IFRD1: variants seen among roughly 807,000 people sequenced by gnomAD.
IFRD1 encodes the protein interferon related developmental regulator 1, also known as interferon-related developmental regulator 1.
IFRD1 carries 35 observed loss-of-function variants against 52.9 expected under a neutral mutation model. That is an observed-to-expected ratio of 0.66 (90% CI 0.51 to 0.88). The LOEUF (loss-of-function observed/expected upper bound fraction) is 0.88. IFRD1 is among the 40% of genes least tolerant of loss of function. IFRD1 has a pLI of 0.00. For synonymous variants in IFRD1, 184 were observed against 188.4 expected, an observed-to-expected ratio of 0.98 and a Z score of 0.19; for missense variants, 517 against 550.8, an observed-to-expected ratio of 0.94 and a Z score of 0.61.
At chr7:112,442,384 C>A (rs528457182) in intron 1 of IFRD1, among the ~76,000 whole-genome samples, 1 of 152,158 alleles carries the variant, frequency 6.6e-6, no homozygotes, top group Non-Finnish European at 1.5e-5. Flanking sequence ...TTATAGAGTA[C>A]GTGGCAGGTT....
chr7:112,437,362 G>C (rs977165009), intron 1 of IFRD1: 1 of 154,366 alleles, frequency 6.5e-6, no homozygotes, highest in East Asian at 1.9e-4. Context: ...ATATAAACAA[G>C]TTAGTGCAGT....
At chr7:112,462,474 A>G (rs1795466420) in intron 8 of IFRD1, 96 bp downstream of exon 8, 1 of 838,058 alleles carries the variant, frequency 1.2e-6, no homozygotes, top group Non-Finnish European at 2.0e-6. Flanking sequence ...ACTTTGGAAC[A>G]TGGCCAGCTT....
intron 1 of IFRD1, among the ~76,000 whole-genome samples, chr7:112,431,704 C>T (rs1300041836): frequency 6.6e-6 from 1 of 152,212 alleles, no homozygotes; most frequent in African/African-American, 2.4e-5. Context: ...GTTACTCTCT[C>T]TGCCTAAATG....
intron 8 of IFRD1, among the ~76,000 whole-genome samples, chr7:112,464,807 C>T (rs759017336): frequency 2.1e-4 from 32 of 152,156 alleles, no homozygotes; most frequent in Non-Finnish European, 4.1e-4. Context: ...CCATTCCATT[C>T]CCCAGCTGAG....
At position 112,462,024 on chromosome 7, in the gene IFRD1, T is replaced by G; in HGVS notation, c.642T>G (p.Cys214Trp). Residue 214 changes from cysteine to tryptophan, a missense_variant, in exon 7 of 12, where the codon TGT becomes TGG. Physicochemically the swap from Cys to Trp is radical, Grantham distance 215 (BLOSUM62 -2). Coordinates refer to ENST00000403825, the MANE Select transcript of IFRD1 (RefSeq NM_001550.4). ...DITELYSTLECLENIFTKSYL... is the reference protein window; with the variant it reads ...DITELYSTLEWLENIFTKSYL... ...AGGAACTATACTCAACTCTGGAATG[T>G]TTGGAAAATATCTTCACTAAATCCT... 1 of 1,613,132 alleles carries G rather than the reference T, an allele frequency of 6.2e-7. No homozygotes were observed. Among genetic ancestry groups the G allele is most frequent in the Non-Finnish European group, 8.5e-7 (1 of 1,179,308 alleles).
intron 1 of IFRD1, among the ~76,000 whole-genome samples, chr7:112,430,712 C>T (rs1017964904): frequency 2.6e-5 from 4 of 152,194 alleles, no homozygotes; most frequent in African/African-American, 7.2e-5. Context: ...CTCCTAACTA[C>T]TTTTCATCCC....
chr7:112,450,999 G>C, intron 1 of IFRD1: 1 of 584,400 alleles, frequency 1.7e-6, no homozygotes, highest in South Asian at 1.9e-5. Flanking sequence ...TTGGGCACCG[G>C]CCGTGGGGGC....
At chr7:112,470,478 A>T (rs185781846) in intron 9 of IFRD1, among the ~76,000 whole-genome samples, 10 of 152,330 alleles carry the variant, frequency 6.6e-5, no homozygotes, top group Non-Finnish European at 1.5e-5. Flanking sequence ...TGACTATTTT[A>T]AAAACCTTGG....
rs185786062 is a variant in IFRD1 at position 112,439,144 on chromosome 7, T to G, written c.-181-11364T>G. ...ATAGTGGGCATAGAAGGAAGGAAAT[T>G]CTCCAAATACAGTTTTAACAGGGTG... On this transcript the variant is annotated intron_variant, in intron 1 of 12. Coordinates refer to the IFRD1 transcript ENST00000005558. Among the ~76,000 whole-genome samples, 189 of 152,240 alleles carry G rather than the reference T, an allele frequency of 1.2e-3. 1 individual carries two copies. The highest frequency in any genetic ancestry group is 2.0e-3 in the Non-Finnish European group (139 of 68,020).
chr7:112,471,594 A>C (rs1584503150), intron 9 of IFRD1, among the ~76,000 whole-genome samples: 1 of 151,830 alleles, frequency 6.6e-6, no homozygotes, highest in South Asian at 2.1e-4. Flanking sequence ...TTTTTAATCC[A>C]TCTGACTTCT....
intron 1 of IFRD1, among the ~76,000 whole-genome samples, chr7:112,428,550 G>A (rs1247571335): frequency 6.6e-6 from 1 of 152,190 alleles, no homozygotes; most frequent in Non-Finnish European, 1.5e-5. Context: ...GAAATAGGAT[G>A]AAGGATAAAA....
At chr7:112,452,300 A>G (rs1795185652) in intron 1 of IFRD1, 1 of 289,470 alleles carries the variant, frequency 3.5e-6, no homozygotes, top group Non-Finnish European at 5.2e-6. Context: ...AGCTAGGACT[A>G]CAGGCATGTG....
At chr7:112,444,558 T>G (rs1279451262) in intron 1 of IFRD1, among the ~76,000 whole-genome samples, 1 of 152,228 alleles carries the variant, frequency 6.6e-6, no homozygotes, top group African/African-American at 2.4e-5. Context: ...ATAACATTAC[T>G]ATTTAATAAT....
rs2708609 is a variant in IFRD1 at position 112,461,854 on chromosome 7, T to A, written c.568-12T>A. ...ATCATTAATGTCTATATATATATAT[T>A]TTTTTTTTTAGTGTGCAACTTGCTT... On this transcript the variant is annotated splice_polypyrimidine_tract_variant and intron_variant, in intron 5 of 11. Coordinates refer to ENST00000403825, the MANE Select transcript of IFRD1 (RefSeq NM_001550.4). 796,221 of 1,190,456 alleles carry A rather than the reference T, an allele frequency of 0.67. 246,996 individuals are homozygous for A. The highest frequency in any genetic ancestry group is 0.74 in the African/African-American group (45,744 of 61,992). 73.7% of individuals were successfully genotyped at this position (1,190,456 alleles called of 1,614,324 possible).
chr7:112,475,554 A>AT lies in IFRD1; in HGVS notation c.*44dup, dbSNP rs763386499. Reference sequence around the variant, plus strand: ...ACTTGAAGACTATTTTCTAATTTCTATTTTTTTTTCTATTTCAATGTATTT... The same window carrying AT: ...ACTTGAAGACTATTTTCTAATTTCTATTTTTTTTTTCTATTTCAATGTATTT... On this transcript the variant is annotated 3_prime_UTR_variant, in exon 12 of 12. Coordinates refer to ENST00000403825, the MANE Select transcript of IFRD1 (RefSeq NM_001550.4). 2,140 of 1,274,060 alleles carry AT rather than the reference A, an allele frequency of 1.7e-3. No homozygotes were observed. Among genetic ancestry groups the AT allele is most frequent in the Non-Finnish European group, 2.0e-3 (1,771 of 885,534 alleles). 78.9% of individuals were successfully genotyped at this position (1,274,060 alleles called of 1,614,324 possible). A position where few individuals can be genotyped will look rare whatever the true frequency, so the allele number is the denominator to read the frequency against.
chr7:112,472,683 C>T, intron 10 of IFRD1, 83 bp from the exon 11 acceptor site: 1 of 909,234 alleles, frequency 1.1e-6, no homozygotes, highest in Non-Finnish European at 1.9e-6. Flanking sequence ...CACATAACTT[C>T]TGTTAATCAG....
chr7:112,463,220 C>CA (rs1187880112), intron 8 of IFRD1, among the ~76,000 whole-genome samples: 1 of 152,084 alleles, frequency 6.6e-6, no homozygotes, highest in Admixed American at 6.6e-5. Flanking sequence ...TAAGAAAACT[C>CA]AAATATATGG....
upstream of IFRD1, chr7:112,450,281 C>T (rs748611675): frequency 4.8e-6 from 1 of 206,570 alleles, no homozygotes; most frequent in Non-Finnish European, 1.0e-5. Context: ...AGACAGGCTC[C>T]CTGGGCGCGG....
At chr7:112,427,267 A>G (rs964937486) in intron 1 of IFRD1, among the ~76,000 whole-genome samples, 1 of 152,214 alleles carries the variant, frequency 6.6e-6, no homozygotes, top group African/African-American at 2.4e-5. Flanking sequence ...AACACCTCCA[A>G]TTAGGCCTCA....
Sources: gnomAD v4.1 joint callset for allele counts (sites outside exome capture counted in the v4.1 genomes callset) on GRCh38, gnomAD v4.1.1 for gene constraint, MANE v1.5 for transcripts, NCBI Gene and HGNC (gene_info 2026-07-23, HGNC 2026-07-21) for gene names.